R3HCC1L: variants seen among roughly 807,000 people sequenced by gnomAD.
The protein encoded by R3HCC1L is coiled-coil domain-containing protein R3HCC1L.
A neutral mutation model predicts 59.9 loss-of-function variants in R3HCC1L; 51 were observed. That is an observed-to-expected ratio of 0.85 (90% CI 0.68 to 1.07). The LOEUF is 1.07. R3HCC1L is among the 50% of genes least tolerant of loss of function. R3HCC1L has a pLI of 0.00. For synonymous variants in R3HCC1L, 322 were observed against 315.2 expected (o/e 1.02, Z -0.23); for missense variants, 965 against 933.0 (o/e 1.03, Z -0.45).
At chr10:98,189,368 T>C (rs1257324688) in intron 4 of R3HCC1L, among the ~76,000 whole-genome samples, 1 of 152,178 alleles carries the variant, frequency 6.6e-6, no homozygotes, top group African/African-American at 2.4e-5. Context: ...GTTTGGCAGT[T>C]TGAACAGAAC....
At chr10:98,166,164 C>T (rs1004035010) in intron 4 of R3HCC1L, among the ~76,000 whole-genome samples, 5 of 152,104 alleles carry the variant, frequency 3.3e-5, no homozygotes, top group African/African-American at 1.2e-4. Context: ...AGTGAAAACT[C>T]TGTCTCAAAA....
chr10:98,151,261 C>T (rs144929530), intron 1 of R3HCC1L, among the ~76,000 whole-genome samples: 21 of 152,222 alleles, frequency 1.4e-4, no homozygotes, highest in African/African-American at 4.6e-4. Flanking sequence ...GTCTAGTGTG[C>T]GCTGGTTAAG....
chr10:98,237,156 AT>A (rs1857054479), intron 9 of R3HCC1L, among the ~76,000 whole-genome samples: 1 of 152,196 alleles, frequency 6.6e-6, no homozygotes, highest in Non-Finnish European at 1.5e-5. Context: ...AACCCAACTA[AT>A]TTTTGAAACT....
chr10:98,168,955 G>A (rs188624464), intron 4 of R3HCC1L, among the ~76,000 whole-genome samples: 2 of 152,218 alleles, frequency 1.3e-5, no homozygotes, highest in Admixed American at 1.3e-4. Flanking sequence ...ATTCTTATGC[G>A]GAATAGAAGA....
At chr10:98,168,197 T>C (rs1848144058) in intron 4 of R3HCC1L, among the ~76,000 whole-genome samples, 1 of 152,230 alleles carries the variant, frequency 6.6e-6, no homozygotes, top group African/African-American at 2.4e-5. Flanking sequence ...CTTTTCTCTC[T>C]ACCTTTGTAT....
At chr10:98,238,987 T>C (rs1009480796) in intron 9 of R3HCC1L, among the ~76,000 whole-genome samples, 7 of 152,314 alleles carry the variant, frequency 4.6e-5, no homozygotes, top group African/African-American at 1.7e-4. Context: ...GCAGATTGTT[T>C]AGAAATGAGG....
At chr10:98,147,578 A>AT (rs34473128) in intron 1 of R3HCC1L, among the ~76,000 whole-genome samples, 1 of 152,004 alleles carries the variant, frequency 6.6e-6, no homozygotes, top group African/African-American at 2.4e-5. Flanking sequence ...TTTTGATTTG[A>AT]TTTTTGTGTA....
rs1433066323 is a variant in R3HCC1L at position 98,209,028 on chromosome 10, C to A, written c.914C>A (p.Thr305Lys). The A allele has an allele frequency of 6.2e-6, 10 of 1,613,540 alleles. No homozygotes were observed. Among genetic ancestry groups the A allele is most frequent in the Non-Finnish European group, 7.6e-6 (9 of 1,179,664 alleles). Residue 305 changes from threonine (T) to lysine (K), a missense_variant, in exon 5 of 10, where the codon ACA (threonine) becomes AAA (lysine). Physicochemically the swap from Thr to Lys is moderately conservative, Grantham distance 78 (BLOSUM62 -1). Transcript: ENST00000298999. The part of the protein sequence containing the change: ...STGFILDQKD[T>K]DSIPATMGHI... ...GGTTTCATCTTAGATCAAAAAGATA[C>A]AGATTCCATTCCTGCAACTATGGGT...
In R3HCC1L at chr10:98,208,628, G is replaced by A; in HGVS notation, c.514G>A (p.Glu172Lys). 7 of 1,614,064 alleles carry A rather than the reference G, an allele frequency of 4.3e-6. No individual in the cohort carries two copies. Among genetic ancestry groups the A allele is most frequent in the South Asian group, 2.2e-5 (2 of 91,082 alleles). Residue 172 changes from glutamate to lysine, a missense_variant, in exon 5 of 10, where the codon GAG (glutamate) becomes AAG (lysine). Physicochemically the swap from Glu to Lys is moderately conservative, Grantham distance 56. Coordinates refer to ENST00000298999, the MANE Select transcript of R3HCC1L (RefSeq NM_001351015.2). ...TTCACAGGCCTGTTTAGAAATCAGC[G>A]AGGCTCAAGTTCCAAGCAAACCATT... ...LLSQACLEISEAQVPSKPFQN... is the reference protein window; with the variant it reads ...LLSQACLEISKAQVPSKPFQN...
At chr10:98,218,881 A>G (rs999033593) in intron 5 of R3HCC1L, among the ~76,000 whole-genome samples, 7 of 152,076 alleles carry the variant, frequency 4.6e-5, no homozygotes, top group African/African-American at 7.2e-5. Flanking sequence ...TATATTTACA[A>G]TGTTTTATCA....
chr10:98,241,529 A>G (rs1024652862), intron 9 of R3HCC1L, among the ~76,000 whole-genome samples: 11 of 151,770 alleles, frequency 7.2e-5, no homozygotes, highest in Admixed American at 7.2e-4. Context: ...TGAATTTTCT[A>G]TTTTTTCTTA....
intron 4 of R3HCC1L, among the ~76,000 whole-genome samples, chr10:98,183,397 C>T (rs1312044196): frequency 6.6e-6 from 1 of 150,752 alleles, no homozygotes; most frequent in Non-Finnish European, 1.5e-5. Flanking sequence ...TTTTTTCCAC[C>T]ATCAGTTTGA....
At chr10:98,227,974 T>C (rs901601698) in intron 5 of R3HCC1L, among the ~76,000 whole-genome samples, 2 of 152,180 alleles carry the variant, frequency 1.3e-5, no homozygotes, top group African/African-American at 4.8e-5. Flanking sequence ...CTTAATCCAG[T>C]CTATCATTAT....
chr10:98,231,039 G>C (rs1363458051), intron 5 of R3HCC1L: 1 of 422,346 alleles, frequency 2.4e-6, no homozygotes, highest in Non-Finnish European at 4.6e-6. Context: ...TCAACAAAAA[G>C]TGAAGTAAAA....
At chr10:98,193,501 T>C (rs1851087798) in intron 4 of R3HCC1L, among the ~76,000 whole-genome samples, 1 of 152,104 alleles carries the variant, frequency 6.6e-6, no homozygotes, top group South Asian at 2.1e-4. Context: ...AAAGAAAATC[T>C]CATTTACAGT....
At chr10:98,168,770 C>T (rs1283405314) in intron 4 of R3HCC1L, among the ~76,000 whole-genome samples, 1 of 152,168 alleles carries the variant, frequency 6.6e-6, no homozygotes, top group African/African-American at 2.4e-5. Flanking sequence ...GTTTTAGACC[C>T]AAGATTTGAA....
chr10:98,218,503 A>C (rs1414637351), intron 5 of R3HCC1L, among the ~76,000 whole-genome samples: 1 of 152,118 alleles, frequency 6.6e-6, no homozygotes, highest in Admixed American at 6.6e-5. Flanking sequence ...CTTTTGTTTC[A>C]TTGATACTTT....
chr10:98,169,991 G>C (rs1332923380), intron 4 of R3HCC1L, among the ~76,000 whole-genome samples: 1 of 151,306 alleles, frequency 6.6e-6, no homozygotes, highest in African/African-American at 2.4e-5. Flanking sequence ...AGTGTATGAG[G>C]CACATTTTTG....
chr10:98,203,791 G>C (rs1472283194), intron 4 of R3HCC1L, among the ~76,000 whole-genome samples: 1 of 152,200 alleles, frequency 6.6e-6, no homozygotes, highest in Non-Finnish European at 1.5e-5. Context: ...TTTTCTCTCA[G>C]GGAGCCGTGG....
Sources: gnomAD v4.1 joint callset for allele counts (sites outside exome capture counted in the v4.1 genomes callset) on GRCh38, gnomAD v4.1.1 for gene constraint, MANE v1.5 for transcripts, NCBI Gene and HGNC (gene_info 2026-07-23, HGNC 2026-07-21) for gene names.